The following PHRF1 variants were observed in gnomAD, a reference collection of about 807,000 sequenced individuals.
The protein encoded by PHRF1 is PHD and RING finger domain-containing protein 1.
PHRF1 carries 53 observed loss-of-function variants against 128.9 expected under a neutral mutation model. The ratio of observed to expected loss-of-function variants is 0.41; its 90% CI spans 0.33 to 0.52. The LOEUF is 0.52. Ranked by LOEUF, PHRF1 falls within the 20% of genes least tolerant of loss-of-function variation. PHRF1 has a pLI of 0.21. For missense variants in PHRF1, 2,503 were observed against 2,284.5 expected (o/e 1.10, Z -1.95); for synonymous variants, 1,178 against 980.6 (o/e 1.20, Z -3.76).
intron 1 of PHRF1, among the ~76,000 whole-genome samples, chr11:580,885 C>T (rs1854162822): frequency 6.6e-6 from 1 of 152,150 alleles, no homozygotes; most frequent in East Asian, 1.9e-4. Context: ...GACGGGGTTT[C>T]ATCATGCTGG....
chr11:606,012 C>T (rs926542308), intron 12 of PHRF1, among the ~76,000 whole-genome samples: 12 of 152,234 alleles, frequency 7.9e-5, no homozygotes, highest in Non-Finnish European at 1.5e-4. Context: ...CACAGGGACA[C>T]CGCCTCGGGC....
intron 9 of PHRF1, 124 bp downstream of exon 9, chr11:598,626 T>C: frequency 1.4e-6 from 2 of 1,398,170 alleles, no homozygotes; most frequent in Non-Finnish European, 1.9e-6. Flanking sequence ...TAATCTTCTC[T>C]GCTGAAAACA....
rs374276661 is a variant in PHRF1 at position 601,687 on chromosome 11, G to A, written c.1138G>A (p.Gly380Arg). The change falls in exon 10 of 18, where the codon GGG becomes AGG. Residue 380 changes from glycine to arginine, a missense_variant. By Grantham distance (125) the Gly-to-Arg change is moderately radical. Transcript: ENST00000264555. ...KRQHRVKKRRGKKVKSEATTR... is the reference protein window; with the variant it reads ...KRQHRVKKRRRKKVKSEATTR... ...CCAACATCGAGTGAAGAAGAGAAGAGGGAAGAAGGTAAAGGTGAGCATTGG... is the reference window on the plus strand; with the variant it reads ...CCAACATCGAGTGAAGAAGAGAAGAAGGAAGAAGGTAAAGGTGAGCATTGG... The A allele has an allele frequency of 6.2e-7, 1 of 1,613,840 alleles. No homozygotes were observed. Among genetic ancestry groups the A allele is most frequent in the Non-Finnish European group, 8.5e-7 (1 of 1,179,874 alleles).
At chr11:580,170 C>T (rs1285322110) in intron 1 of PHRF1, among the ~76,000 whole-genome samples, 2 of 152,238 alleles carry the variant, frequency 1.3e-5, no homozygotes, top group Non-Finnish European at 2.9e-5. Flanking sequence ...GGATTCCTGA[C>T]TCACTCTCCT....
In PHRF1 at chr11:608,956, G is replaced by T. The variant is rs750322786; in HGVS notation, c.3500G>T (p.Ser1167Ile). Residue 1167 changes from serine to isoleucine, a missense_variant, in exon 14 of 18, where the codon AGC becomes ATC. By Grantham distance (142) the Ser-to-Ile change is moderately radical. Coordinates refer to ENST00000264555, the MANE Select transcript of PHRF1 (RefSeq NM_001286581.2). ...DRRKRRSRSP[S>I]SEHRAREHRR... is the part of the protein sequence containing the mutation. ...AGGAAGCGGAGGTCCCGGTCCCCAA[G>T]CTCGGAGCACAGGGCACGGGAGCAC... The T allele has an allele frequency of 1.2e-6, 2 of 1,610,506 alleles. No homozygotes were observed. Among genetic ancestry groups the T allele is most frequent in the African/African-American group, 2.7e-5 (2 of 74,688 alleles).
intron 3 of PHRF1, among the ~76,000 whole-genome samples, chr11:582,939 C>A (rs1410968455): frequency 6.6e-6 from 1 of 151,372 alleles, no homozygotes; most frequent in African/African-American, 2.4e-5. Context: ...AAGGCTGAGG[C>A]AGGAGAATGG....
At chr11:602,790 G>T (rs1350887745) in intron 10 of PHRF1, among the ~76,000 whole-genome samples, 3 of 148,838 alleles carry the variant, frequency 2.0e-5, no homozygotes, top group Non-Finnish European at 4.5e-5. Context: ...TTGAGATGGA[G>T]TCTCACTCTG....
chr11:596,306 C>T (rs1359558547), intron 6 of PHRF1, among the ~76,000 whole-genome samples: 1 of 152,214 alleles, frequency 6.6e-6, no homozygotes, highest in Non-Finnish European at 1.5e-5. Context: ...AAACTACCTT[C>T]CCAGAAGGCT....
At chr11:578,144 G>A (rs796824622) in intron 1 of PHRF1, among the ~76,000 whole-genome samples, 1 of 152,324 alleles carries the variant, frequency 6.6e-6, no homozygotes, top group East Asian at 1.9e-4. Context: ...TAAGCTAGGG[G>A]CTCCCATTAA....
At chr11:587,743 C>CAA (rs1854660122) in intron 4 of PHRF1, among the ~76,000 whole-genome samples, 1 of 152,152 alleles carries the variant, frequency 6.6e-6, no homozygotes. Flanking sequence ...CCCTGGTTGA[C>CAA]ATAGGGGCCA....
At chr11:610,132 T>G (rs1377114975) in intron 14 of PHRF1, 64 bp from the exon 15 acceptor site, 1 of 1,446,544 alleles carries the variant, frequency 6.9e-7, no homozygotes, top group Non-Finnish European at 9.1e-7. Flanking sequence ...TTTCCAGCCA[T>G]GAAACAGCAT....
Position 607,621 on chromosome 11 carries a change from A to C in PHRF1, c.2165A>C (p.Gln722Pro). 6.2e-7 allele frequency: 1 copy of C among 1,612,080 alleles called. No homozygotes were observed. Among genetic ancestry groups the C allele is most frequent in the South Asian group, 1.1e-5 (1 of 91,042 alleles). ...SRLTGREGTG[Q>P]PGRGTRAESE... is the part of the protein sequence containing the mutation. ...CTGACTGGCAGGGAGGGCACCGGGC[A>C]GCCAGGGCGAGGCACACGGGCAGAG... is the stretch of plus-strand genomic sequence containing the variant. The change falls in exon 14 of 18, where the codon CAG (glutamine) becomes CCG (proline). Residue 722 changes from glutamine (Q) to proline (P), a missense_variant. Transcript: ENST00000264555.
intron 3 of PHRF1, among the ~76,000 whole-genome samples, chr11:586,400 T>C (rs1854563226): frequency 6.6e-6 from 1 of 152,246 alleles, no homozygotes; most frequent in African/African-American, 2.4e-5. Flanking sequence ...AATATTTCTG[T>C]TCTGGGTGTG....
chr11:588,679 A>G (rs916011751), intron 4 of PHRF1, among the ~76,000 whole-genome samples: 4 of 151,828 alleles, frequency 2.6e-5, no homozygotes, highest in South Asian at 2.1e-4. Context: ...ACGCCCGGCC[A>G]TTTTTATTTT....
Position 611,034 on chromosome 11 carries a change from G to A in PHRF1, c.4758G>A (p.Glu1586=), listed in dbSNP as rs772132220. The A allele has an allele frequency of 6.2e-7, 1 of 1,613,444 alleles. No individual in the cohort carries two copies. The highest frequency in any genetic ancestry group is 2.2e-5 in the East Asian group (1 of 44,868). The stretch of plus-strand genomic sequence containing the variant: ...TCAAGCCCTTCTACCAGAAGAGGGA[G>A]GTGACCAAGGAGGAGTACAAGGACA... ...LAIKPFYQKR[E]VTKEEYKDIL... The change falls in exon 17 of 18, where the codon GAG becomes GAA. Residue 1586 remains glutamate, a synonymous_variant. Coordinates refer to ENST00000264555, the MANE Select transcript of PHRF1 (RefSeq NM_001286581.2).
At chr11:583,264 G>A (rs180943343) in intron 3 of PHRF1, among the ~76,000 whole-genome samples, 1 of 151,840 alleles carries the variant, frequency 6.6e-6, no homozygotes, top group East Asian at 1.9e-4. Flanking sequence ...GCTGGAACCC[G>A]GGAGTCGGAG....
At chr11:576,953 C>G (rs187449581) in intron 1 of PHRF1, among the ~76,000 whole-genome samples, 32 of 151,922 alleles carry the variant, frequency 2.1e-4, no homozygotes, top group African/African-American at 7.7e-4. Context: ...ACGTCCTGGG[C>G]TTGCGAGGAC....
chr11:591,596 C>T, intron 5 of PHRF1, 129 bp downstream of exon 5: 1 of 787,214 alleles, frequency 1.3e-6, no homozygotes, highest in Non-Finnish European at 1.9e-6. Flanking sequence ...TAGAAATCAA[C>T]TCAAGTGCCC....
intron 10 of PHRF1, among the ~76,000 whole-genome samples, chr11:603,732 T>TG (rs1028652059): frequency 2.9e-5 from 4 of 137,716 alleles, no homozygotes; most frequent in South Asian, 2.6e-4. Flanking sequence ...TAAGTTTGTT[T>TG]TTTTTTTTTT....
Sources: allele counts gnomAD v4.1 joint callset (sites outside exome capture counted in the v4.1 genomes callset), GRCh38; gene constraint gnomAD v4.1.1; transcripts MANE v1.5; gene names NCBI Gene and HGNC (gene_info 2026-07-23, HGNC 2026-07-21).